The following MYLK variants were observed in gnomAD, a reference collection of about 807,000 sequenced individuals.
MYLK encodes myosin light chain kinase, smooth muscle.
MYLK carries 106 observed loss-of-function variants against 203.4 expected under a neutral mutation model. That is an observed-to-expected ratio of 0.52 (90% CI 0.45 to 0.61). MYLK has a LOEUF of 0.61. Ranked by LOEUF, MYLK falls within the 20% of genes least tolerant of loss-of-function variation. The pLI is 0.00. For missense variants in MYLK, 2,072 were observed against 2,442.3 expected (o/e 0.85, Z 3.20); for synonymous variants, 867 against 959.5 (o/e 0.90, Z 1.78).
At chr3:123,728,159 A>G (rs748942635) in intron 11 of MYLK, among the ~76,000 whole-genome samples, 2 of 152,218 alleles carry the variant, frequency 1.3e-5, no homozygotes, top group Non-Finnish European at 2.9e-5. Flanking sequence ...CGGTTTCAGA[A>G]TGCCAGAAAT....
chr3:123,733,635 C>A, intron 10 of MYLK, 52 bp downstream of exon 10: 1 of 1,605,182 alleles, frequency 6.2e-7, no homozygotes, highest in Non-Finnish European at 8.5e-7. Flanking sequence ...AAGGGAGTGG[C>A]CACCAAGGGG....
chr3:123,734,163 A>G lies in MYLK; in HGVS notation c.833T>C (p.Val278Ala). ...GTCCAGCTTCGACTCCTTTGAGATT[A>G]CATTGGTCACCTCTTTCCTGACATC... ...NSDVRKEVTN[V>A]ISKESKLDSL... Residue 278 changes from valine to alanine, a missense_variant, in exon 10 of 34, where the codon GTA becomes GCA. Physicochemically the swap from Val to Ala is moderately conservative, Grantham distance 64 (BLOSUM62 0). Transcript: ENST00000360304. 2 of 1,559,914 alleles carry G rather than the reference A, an allele frequency of 1.3e-6. No individual in the cohort carries two copies. Among genetic ancestry groups the G allele is most frequent in the South Asian group, 1.2e-5 (1 of 82,814 alleles).
chr3:123,819,787 C>CTTT (rs5852369), intron 3 of MYLK, among the ~76,000 whole-genome samples: 43 of 74,522 alleles, frequency 5.8e-4, no homozygotes, highest in Admixed American at 2.8e-3. Flanking sequence ...TCTAAGCCTC[C>CTTT]TTTTTTTTTT....
intron 4 of MYLK, among the ~76,000 whole-genome samples, chr3:123,783,888 C>T (rs1011239184): frequency 9.2e-5 from 14 of 152,186 alleles, no homozygotes; most frequent in Admixed American, 3.9e-4. Flanking sequence ...CTCTGGCTTA[C>T]GGTGCCTCCC....
intron 5 of MYLK, among the ~76,000 whole-genome samples, chr3:123,743,288 G>A (rs1437371405): frequency 1.3e-5 from 2 of 152,120 alleles, no homozygotes; most frequent in Admixed American, 6.6e-5. Context: ...AAGAATGCTG[G>A]GGAGAGATAC....
chr3:123,830,185 T>C (rs561004008), intron 3 of MYLK, among the ~76,000 whole-genome samples: 108 of 152,334 alleles, frequency 7.1e-4, no homozygotes, highest in Non-Finnish European at 2.5e-4. Context: ...CTACCTACGG[T>C]GCTTCACAGT....
intron 4 of MYLK, among the ~76,000 whole-genome samples, chr3:123,784,610 A>T (rs776836813): frequency 7.2e-5 from 11 of 152,134 alleles, no homozygotes; most frequent in Non-Finnish European, 1.6e-4. Context: ...TACTTTCTGT[A>T]CTGTAACTAT....
chr3:123,788,667 T>C (rs1266574874), intron 4 of MYLK, among the ~76,000 whole-genome samples: 2 of 151,918 alleles, frequency 1.3e-5, no homozygotes, highest in East Asian at 3.9e-4. Context: ...TGAAAGTTAT[T>C]GGGAGACAGA....
At chr3:123,772,430 C>A (rs951962174) in intron 4 of MYLK, among the ~76,000 whole-genome samples, 7 of 151,972 alleles carry the variant, frequency 4.6e-5, no homozygotes, top group Non-Finnish European at 7.4e-5. Flanking sequence ...ATCCCTTCCT[C>A]ACATTACACA....
chr3:123,827,634 TG>T (rs1168703624), intron 3 of MYLK, among the ~76,000 whole-genome samples: 1 of 138,512 alleles, frequency 7.2e-6, no homozygotes, highest in African/African-American at 2.7e-5. Context: ...ACCACTAAAC[TG>T]GCCTTACAAG....
At chr3:123,634,564 G>C (rs1165977719) in intron 29 of MYLK, among the ~76,000 whole-genome samples, 2 of 152,204 alleles carry the variant, frequency 1.3e-5, no homozygotes, top group African/African-American at 4.8e-5. Flanking sequence ...GTGGGTGTTG[G>C]ACAAACAAAC....
chr3:123,747,550 A>G (rs1268895589), intron 5 of MYLK, among the ~76,000 whole-genome samples: 1 of 152,178 alleles, frequency 6.6e-6, no homozygotes, highest in Non-Finnish European at 1.5e-5. Flanking sequence ...TATATCACAC[A>G]TGTAATTAAA....
chr3:123,856,549 T>C (rs1387259405), intron 2 of MYLK, among the ~76,000 whole-genome samples: 1 of 152,222 alleles, frequency 6.6e-6, no homozygotes, highest in Non-Finnish European at 1.5e-5. Context: ...GGGGACCTTC[T>C]TTATGTATTA....
At chr3:123,845,368 A>T (rs1336663448) in intron 2 of MYLK, among the ~76,000 whole-genome samples, 4 of 152,232 alleles carry the variant, frequency 2.6e-5, no homozygotes, top group African/African-American at 9.6e-5. Flanking sequence ...GACTAGAAGC[A>T]TCATTTATAC....
At chr3:123,666,858 A>C in intron 21 of MYLK, 1 of 591,936 alleles carries the variant, frequency 1.7e-6, no homozygotes, top group East Asian at 2.8e-5. Context: ...AATTCGTAGA[A>C]GGGGCAGGCA....
At chr3:123,660,324 A>G (rs1157468899) in intron 23 of MYLK, among the ~76,000 whole-genome samples, 2 of 152,238 alleles carry the variant, frequency 1.3e-5, no homozygotes, top group Admixed American at 6.5e-5. Flanking sequence ...GCAAGCTCCA[A>G]ACTCAGTTAG....
At chr3:123,865,933 C>T (rs2148699737) in intron 2 of MYLK, among the ~76,000 whole-genome samples, 1 of 152,274 alleles carries the variant, frequency 6.6e-6, no homozygotes, top group Admixed American at 6.5e-5. Flanking sequence ...ACCCAGCCAC[C>T]ATGCTGTGAG....
rs1248809570 is a variant in MYLK, at chr3:123,648,190, C to G, written c.4416-763G>C. On this transcript the variant is annotated intron_variant, in intron 26 of 33. Transcript: ENST00000360304. The surrounding 1 kb of genome is among the most constrained non-coding windows in gnomAD (Gnocchi z 4.5). ...TGGAGTCCCACTCCTTTCTCTCCCA[C>G]CTCTTCTATTCCTCCAGGGACAGCG... Among the ~76,000 whole-genome samples, 4 of 152,226 alleles carry G rather than the reference C, an allele frequency of 2.6e-5. No homozygotes were observed. Among genetic ancestry groups the G allele is most frequent in the Non-Finnish European group, 1.5e-5 (1 of 68,046 alleles).
intron 3 of MYLK, among the ~76,000 whole-genome samples, chr3:123,811,986 G>A (rs1255556210): frequency 6.6e-6 from 1 of 152,154 alleles, no homozygotes; most frequent in Non-Finnish European, 1.5e-5. Flanking sequence ...ATCACCTGGA[G>A]CTTTTATCAT....
Sources: gnomAD v4.1 joint callset for allele counts (sites outside exome capture counted in the v4.1 genomes callset) on GRCh38, gnomAD v4.1.1 for gene constraint, Gnocchi (gnomAD v3.1) non-coding constraint, MANE v1.5 for transcripts, NCBI Gene and HGNC (gene_info 2026-07-23, HGNC 2026-07-21) for gene names.